Variants in FOXP1 observed in about 807,000 individuals in gnomAD.
FOXP1 encodes forkhead box P1.
In FOXP1, 15 loss-of-function variants were observed where a neutral mutation model predicts 98.2. The observed-to-expected ratio is 0.15, with a 90% CI of 0.10 to 0.24. FOXP1 has a LOEUF of 0.24. Among genes scored for constraint, FOXP1 ranks in the 10% least tolerant of loss-of-function variants. The probability of loss-of-function intolerance (pLI) is 1.00; values close to 1 mark genes in which losing one functional copy is unlikely to be tolerated. For missense variants in FOXP1, 633 were observed against 848.5 expected (o/e 0.75, Z 3.15); for synonymous variants, 371 against 314.5 (o/e 1.18, Z -1.90).
At chr3:70,960,153 G>A (rs2032979967) in intron 20 of FOXP1, among the ~76,000 whole-genome samples, 1 of 152,082 alleles carries the variant, frequency 6.6e-6, no homozygotes, top group Non-Finnish European at 1.5e-5. Flanking sequence ...GAGACACCAT[G>A]ATATACATGC....
intron 19 of FOXP1, among the ~76,000 whole-genome samples, chr3:70,966,661 G>A (rs1010529533): frequency 3.3e-5 from 5 of 152,212 alleles, no homozygotes; most frequent in East Asian, 1.9e-4. Flanking sequence ...GAAACACCAC[G>A]TAGTGTTTCA....
chr3:71,125,358 C>T (rs1324798209), intron 6 of FOXP1, among the ~76,000 whole-genome samples: 3 of 152,214 alleles, frequency 2.0e-5, no homozygotes, highest in East Asian at 3.9e-4. Context: ...AATCCATAGA[C>T]GTATGGATTT....
At chr3:71,181,808 G>A (rs899413735) in intron 6 of FOXP1, among the ~76,000 whole-genome samples, 7 of 151,994 alleles carry the variant, frequency 4.6e-5, no homozygotes, top group Non-Finnish European at 1.0e-4. Flanking sequence ...TGAGGAGGAC[G>A]GATGATGAGG....
chr3:71,170,578 G>A (rs891345471), intron 6 of FOXP1, among the ~76,000 whole-genome samples: 10 of 152,116 alleles, frequency 6.6e-5, no homozygotes, highest in South Asian at 4.1e-4. Flanking sequence ...AAAGTCGCTC[G>A]GATCCAGTCT....
chr3:71,445,963 C>T (rs1347682214), intron 3 of FOXP1, among the ~76,000 whole-genome samples: 1 of 152,174 alleles, frequency 6.6e-6, no homozygotes, highest in Non-Finnish European at 1.5e-5. Flanking sequence ...CTGGGAATTA[C>T]AGGTGTGAGC....
chr3:71,205,371 T>G (rs2063958938), intron 5 of FOXP1, among the ~76,000 whole-genome samples: 1 of 152,202 alleles, frequency 6.6e-6, no homozygotes, highest in Non-Finnish European at 1.5e-5. Context: ...TTACCTGTTG[T>G]TAAAAATGAT....
At chr3:71,531,194 A>G (rs1378417988) in intron 2 of FOXP1, among the ~76,000 whole-genome samples, 1 of 152,254 alleles carries the variant, frequency 6.6e-6, no homozygotes, top group African/African-American at 2.4e-5. Flanking sequence ...GCTCAGGCAA[A>G]GTAGGAGATA....
chr3:71,197,546 A>C (rs1313763250), intron 6 of FOXP1, among the ~76,000 whole-genome samples: 1 of 152,186 alleles, frequency 6.6e-6, no homozygotes. Flanking sequence ...ATCCCAACTT[A>C]TGTACATTTT....
chr3:70,955,570 G>GT lies in FOXP1; in HGVS notation c.*3676dup, dbSNP rs35502550. The GT allele has an allele frequency of 0.21, 41,603 of 197,416 alleles. 2,749 individuals are homozygous for GT. Among genetic ancestry groups the GT allele is most frequent in the East Asian group, 0.48 (6,913 of 14,404 alleles). The allele number at this position is 197,416 out of a possible 1,614,324, so 12.2% of individuals were successfully genotyped here. A position where few individuals can be genotyped will look rare whatever the true frequency, so the allele number is the denominator to read the frequency against. On this transcript the variant is annotated 3_prime_UTR_variant, in exon 21 of 21. Coordinates refer to ENST00000649528, the MANE Select transcript of FOXP1 (RefSeq NM_001349338.3). ...TCTTTACATCTTGGCACCTTGTAAA[G>GT]TTTTTTTTTTTTTATACAAAAGTTC... is the stretch of plus-strand genomic sequence containing the variant.
chr3:71,055,838 G>A (rs1044860040), intron 7 of FOXP1, among the ~76,000 whole-genome samples: 10 of 152,106 alleles, frequency 6.6e-5, no homozygotes, highest in South Asian at 4.1e-4. Context: ...TTTCCTCTGC[G>A]TTTCTTGGAT....
chr3:71,313,467 A>C (rs2107632953), intron 4 of FOXP1, among the ~76,000 whole-genome samples: 1 of 152,324 alleles, frequency 6.6e-6, no homozygotes, highest in African/African-American at 2.4e-5. Context: ...AAGTTTTGAA[A>C]GTTAGGAAAG....
chr3:71,137,441 ACCAG>A (rs1316777462), intron 6 of FOXP1, among the ~76,000 whole-genome samples: 2 of 152,152 alleles, frequency 1.3e-5, no homozygotes, highest in African/African-American at 4.8e-5. Flanking sequence ...CTTAATCTTA[ACCAG>A]TGAGATGGGT....
At chr3:71,298,294 G>A (rs769635730) in intron 5 of FOXP1, among the ~76,000 whole-genome samples, 1 of 151,918 alleles carries the variant, frequency 6.6e-6, no homozygotes, top group Admixed American at 6.6e-5. Flanking sequence ...GTGAAACCCC[G>A]CCTCTCCTAA....
intron 5 of FOXP1, among the ~76,000 whole-genome samples, chr3:71,228,028 G>A (rs1372489417): frequency 3.1e-5 from 4 of 129,700 alleles, no homozygotes; most frequent in South Asian, 2.9e-4. Context: ...GGTGGGGGGC[G>A]GGGGAGGTGT....
chr3:71,142,291 A>G lies in FOXP1; in HGVS notation c.181-29654T>C, dbSNP rs558267367. ...GGCAGAATTCTCAGGTGACCCTTAC[A>G]TTCCTATGCCTGGTATAACACACCC... On this transcript the variant is annotated intron_variant, in intron 6 of 20. Coordinates refer to ENST00000649528, the MANE Select transcript of FOXP1 (RefSeq NM_001349338.3). Among the ~76,000 whole-genome samples the G allele has an allele frequency of 6.6e-5, 10 of 152,332 alleles. 1 individual carries two copies. Among genetic ancestry groups the G allele is most frequent in the East Asian group, 5.8e-4 (3 of 5,178 alleles).
rs140215617 is a variant in FOXP1, at chr3:71,219,238, T to C, written c.-11-20846A>G. Among the ~76,000 whole-genome samples the C allele has an allele frequency of 6.1e-3, 932 of 152,324 alleles. 14 individuals carry two copies. The highest frequency in any genetic ancestry group is 0.022 in the African/African-American group (899 of 41,574). On this transcript the variant is annotated intron_variant, in intron 5 of 20. Coordinates refer to ENST00000649528, the MANE Select transcript of FOXP1 (RefSeq NM_001349338.3). ...ATGTGAACAAATGCAACTCCTAGTCTGGCCATGCCATAGCCCATCTGATCA... is the reference window on the plus strand; with the variant it reads ...ATGTGAACAAATGCAACTCCTAGTCCGGCCATGCCATAGCCCATCTGATCA...
chr3:71,316,666 T>C (rs1304309463), intron 4 of FOXP1, among the ~76,000 whole-genome samples: 3 of 151,700 alleles, frequency 2.0e-5, no homozygotes, highest in African/African-American at 4.8e-5. Context: ...TATTCTTTTT[T>C]TTTTTTTTTT....
At chr3:71,461,232 T>C (rs2088068380) in intron 3 of FOXP1, among the ~76,000 whole-genome samples, 1 of 152,206 alleles carries the variant, frequency 6.6e-6, no homozygotes, top group South Asian at 2.1e-4. Flanking sequence ...CACACAGAAC[T>C]CTCCATTTCA....
intron 12 of FOXP1, among the ~76,000 whole-genome samples, chr3:71,008,801 A>C (rs916345522): frequency 1.3e-5 from 2 of 152,082 alleles, no homozygotes; most frequent in Non-Finnish European, 2.9e-5. Flanking sequence ...ATGATCACAG[A>C]AAAGTGTCAA....
Sources: allele counts gnomAD v4.1 joint callset (sites outside exome capture counted in the v4.1 genomes callset), GRCh38; gene constraint gnomAD v4.1.1; transcripts MANE v1.5; gene names NCBI Gene and HGNC (gene_info 2026-07-23, HGNC 2026-07-21).